Variants in KCNQ1 observed in about 807,000 individuals in gnomAD.
The protein encoded by KCNQ1 is potassium voltage-gated channel subfamily KQT member 1.
KCNQ1 carries 49 observed loss-of-function variants against 72.4 expected under a neutral mutation model. That is an observed-to-expected ratio of 0.68 (90% CI 0.54 to 0.86). The LOEUF is 0.86. Among genes scored for constraint, KCNQ1 ranks in the 40% least tolerant of loss-of-function variants. The pLI is 0.00. For synonymous variants in KCNQ1, 450 were observed against 412.6 expected (o/e 1.09, Z -1.10); for missense variants, 790 against 945.1 (o/e 0.84, Z 2.15).
chr11:2,772,956 A>G lies in KCNQ1; in HGVS notation c.1591-3004A>G, dbSNP rs576402054. On this transcript the variant is annotated intron_variant, in intron 12 of 15. Coordinates refer to ENST00000155840, the MANE Select transcript of KCNQ1 (RefSeq NM_000218.3). This position sits in a 1 kb window ranked among gnomAD's most constrained non-coding sequence, Gnocchi z 6.6. ...GAGGCTCACCACCATGACTCATGCC[A>G]TGTTCAATGTGTTCTGAAGAGAGGC... is the stretch of plus-strand genomic sequence containing the variant. Among the ~76,000 whole-genome samples the G allele has an allele frequency of 6.6e-6, 1 of 152,248 alleles. No homozygotes were observed. Among genetic ancestry groups the G allele is most frequent in the East Asian group, 1.9e-4 (1 of 5,176 alleles).
In KCNQ1 at chr11:2,671,483, A is replaced by G; in HGVS notation, c.1514+9402A>G. 2.5e-6 allele frequency: 1 copy of G among 398,644 alleles called. No individual in the cohort carries two copies. Among genetic ancestry groups the G allele is most frequent in the East Asian group, 3.6e-5 (1 of 28,066 alleles). The allele number at this position is 398,644 out of a possible 1,614,324, so 24.7% of individuals were successfully genotyped here. A position where few individuals can be genotyped will look rare whatever the true frequency, so the allele number is the denominator to read the frequency against. ...AGCAGGGGATATACACAAAGATCTG[A>G]GAAAGGGATTATTTTTAGGGCCAAT... On this transcript the variant is annotated intron_variant, in intron 11 of 15. Coordinates refer to ENST00000155840, the MANE Select transcript of KCNQ1 (RefSeq NM_000218.3). This position sits in a 1 kb window ranked among gnomAD's most constrained non-coding sequence, Gnocchi z 4.7.
Position 2,739,191 on chromosome 11 carries a change from G to A in KCNQ1, c.1515-29653G>A, listed in dbSNP as rs577942971. On this transcript the variant is annotated intron_variant, in intron 11 of 15. Transcript: ENST00000155840. The stretch of plus-strand genomic sequence containing the variant: ...CAGCATGTCTGGGAGGGCCAGGGTC[G>A]CAGCAGGGCCCCCACCCATCCTGGC... 5.3e-5 allele frequency among the ~76,000 whole-genome samples: 8 copies of A among 152,292 alleles called. No individual in the cohort carries two copies. In the South Asian group the frequency reaches 1.2e-3, roughly 24 times the overall value.
At chr11:2,729,422 T>A (rs966131471) in intron 11 of KCNQ1, among the ~76,000 whole-genome samples, 1 of 152,224 alleles carries the variant, frequency 6.6e-6, no homozygotes, top group Non-Finnish European at 1.5e-5. Flanking sequence ...CCACAAATAC[T>A]GAATGCCTGC....
In KCNQ1 at chr11:2,463,113, G is replaced by A. The variant is rs978389816; in HGVS notation, c.386+17629G>A. Among the ~76,000 whole-genome samples the A allele has an allele frequency of 7.9e-5, 12 of 152,232 alleles. No individual in the cohort carries two copies. The highest frequency in any genetic ancestry group is 2.2e-4 in the African/African-American group (9 of 41,534). On this transcript the variant is annotated intron_variant, in intron 1 of 15. Transcript: ENST00000155840. This position sits in a 1 kb window ranked among gnomAD's most constrained non-coding sequence, Gnocchi z 7.0. ...GTGTGGGGAGTGGGAAGTGGGGGAC[G>A]GGGTGGATTCCAGGATTCCGGGTTG...
At position 2,593,363 on chromosome 11, in the gene KCNQ1, C is replaced by T. The variant is rs1257349835; in HGVS notation, c.1393+4509C>T. Among the ~76,000 whole-genome samples the T allele has an allele frequency of 1.3e-5, 2 of 152,058 alleles. No homozygotes were observed. The highest frequency in any genetic ancestry group is 2.9e-5 in the Non-Finnish European group (2 of 67,986). ...AAGGTCGTGGTCTGTGACGTAGGAT[C>T]GGGGAGGCCACCTCAGAGGCCTTTT... On this transcript the variant is annotated intron_variant, in intron 10 of 15. Transcript: ENST00000155840. The surrounding 1 kb of genome is among the most constrained non-coding windows in gnomAD (Gnocchi z 6.9).
At position 2,711,241 on chromosome 11, in the gene KCNQ1, C is replaced by T. The variant is rs571246043; in HGVS notation, c.1514+49160C>T. Among the ~76,000 whole-genome samples the T allele has an allele frequency of 2.0e-5, 3 of 152,200 alleles. No individual in the cohort carries two copies. The East Asian group carries it at 5.8e-4, about 29-fold the overall frequency. On this transcript the variant is annotated intron_variant, in intron 11 of 15. Transcript: ENST00000155840. This position sits in a 1 kb window ranked among gnomAD's most constrained non-coding sequence, Gnocchi z 5.4. ...ACAGTGACTGGCAGCCATACTTCCT[C>T]CCCATGTACTGGGTTCTGCCCATCC...
intron 10 of KCNQ1, chr11:2,643,534 A>G (rs1186098397): frequency 2.0e-5 from 8 of 398,228 alleles, no homozygotes; most frequent in South Asian, 1.3e-4. Context: ...TCTTTCAACT[A>G]TGTGTCTTTA....
chr11:2,686,998 C>A (rs1384891833), intron 11 of KCNQ1: 4 of 398,516 alleles, frequency 1.0e-5, no homozygotes, highest in African/African-American at 4.1e-5. Context: ...CCCTGACTTG[C>A]TAAGATGGGA....
rs1851190893 is a variant in KCNQ1, at chr11:2,720,891, A to C, written c.1515-47953A>C. On this transcript the variant is annotated intron_variant, in intron 11 of 15. Coordinates refer to ENST00000155840, the MANE Select transcript of KCNQ1 (RefSeq NM_000218.3). The surrounding 1 kb of genome is among the most constrained non-coding windows in gnomAD (Gnocchi z 5.1). ...GGGGCCTGGCCTGGACCTCGAGGCC[A>C]CTGGGGACTTGGCTACCTGAGGGAG... is the stretch of plus-strand genomic sequence containing the variant. Among the ~76,000 whole-genome samples, 1 of 151,998 alleles carries C rather than the reference A, an allele frequency of 6.6e-6. No homozygotes were observed. The highest frequency in any genetic ancestry group is 1.5e-5 in the Non-Finnish European group (1 of 68,002).
In KCNQ1 at chr11:2,612,424, A is replaced by G. The variant is rs76600584; in HGVS notation, c.1393+23570A>G. The G allele has an allele frequency of 0.018, 7,308 of 398,308 alleles. 293 individuals are homozygous for G. Among genetic ancestry groups the G allele is most frequent in the East Asian group, 0.11 (3,095 of 28,052 alleles). 24.7% of individuals were successfully genotyped at this position (398,308 alleles called of 1,614,324 possible). A position where few individuals can be genotyped will look rare whatever the true frequency, so the allele number is the denominator to read the frequency against. On this transcript the variant is annotated intron_variant, in intron 10 of 15. Coordinates refer to ENST00000155840, the MANE Select transcript of KCNQ1 (RefSeq NM_000218.3). The surrounding 1 kb of genome is among the most constrained non-coding windows in gnomAD (Gnocchi z 5.5). ...TATGGTATCCAATGGGTATCTCTTCATTTTTCTTCATTATTTTTCTTTCTA... is the reference window on the plus strand; with the variant it reads ...TATGGTATCCAATGGGTATCTCTTCGTTTTTCTTCATTATTTTTCTTTCTA...
intron 2 of KCNQ1, among the ~76,000 whole-genome samples, chr11:2,533,487 T>G (rs981185080): frequency 6.6e-6 from 1 of 152,228 alleles, no homozygotes; most frequent in African/African-American, 2.4e-5. Flanking sequence ...TGTGCACGTG[T>G]GTACGTACGT....
intron 10 of KCNQ1, chr11:2,609,569 GTTT>G (rs1848942689): frequency 2.5e-6 from 1 of 398,178 alleles, no homozygotes; most frequent in East Asian, 3.6e-5. Context: ...CATATCTTCT[GTTT>G]CCTTATTGAT....
At chr11:2,716,920 A>AG (rs1479714871) in intron 11 of KCNQ1, among the ~76,000 whole-genome samples, 2 of 152,254 alleles carry the variant, frequency 1.3e-5, no homozygotes, top group Non-Finnish European at 2.9e-5. Flanking sequence ...CCAGGCCTGC[A>AG]GTAGGAGCTC....
In KCNQ1 at chr11:2,613,001, T is replaced by G; in HGVS notation, c.1393+24147T>G. 2.5e-6 allele frequency: 1 copy of G among 398,644 alleles called. No individual in the cohort carries two copies. 24.7% of individuals were successfully genotyped at this position (398,644 alleles called of 1,614,324 possible). ...ACTGGTGTCTTTGCTCAGTTTTGTT[T>G]GTTTTAATTCTTATGTTTGTTTTGT... is the stretch of plus-strand genomic sequence containing the variant. On this transcript the variant is annotated intron_variant, in intron 10 of 15. Coordinates refer to ENST00000155840, the MANE Select transcript of KCNQ1 (RefSeq NM_000218.3). This position sits in a 1 kb window ranked among gnomAD's most constrained non-coding sequence, Gnocchi z 4.8.
At position 2,676,789 on chromosome 11, in the gene KCNQ1, G is replaced by C. The variant is rs1160643945; in HGVS notation, c.1514+14708G>C. 1 of 398,626 alleles carries C rather than the reference G, an allele frequency of 2.5e-6. No homozygotes were observed. The highest frequency in any genetic ancestry group is 3.6e-5 in the East Asian group (1 of 28,074). The allele number at this position is 398,626 out of a possible 1,614,324, so 24.7% of individuals were successfully genotyped here. ...CCCTAGGACATTTGAAGAGAATGGA[G>C]TGATGGCCAGTGTATTGTGCTGGGA... On this transcript the variant is annotated intron_variant, in intron 11 of 15. Coordinates refer to ENST00000155840, the MANE Select transcript of KCNQ1 (RefSeq NM_000218.3). This position sits in a 1 kb window ranked among gnomAD's most constrained non-coding sequence, Gnocchi z 4.2.
intron 11 of KCNQ1, chr11:2,666,475 C>T (rs1850069922): frequency 5.0e-6 from 2 of 398,664 alleles, no homozygotes; most frequent in Non-Finnish European, 8.8e-6. Context: ...AATCTCACGC[C>T]AAGACATTCG....
In KCNQ1 at chr11:2,769,685, G is replaced by A. The variant is rs163157; in HGVS notation, c.1590+766G>A. Among the ~76,000 whole-genome samples the A allele has an allele frequency of 0.98, 148,426 of 152,170 alleles. 72,479 individuals carry two copies. The highest frequency in any genetic ancestry group is 1 in the Non-Finnish European group (67,845 of 67,996). On this transcript the variant is annotated intron_variant, in intron 12 of 15. Transcript: ENST00000155840. This position sits in a 1 kb window ranked among gnomAD's most constrained non-coding sequence, Gnocchi z 4.6. ...GTGTGGGAACCCCGTATCCTCTGTG[G>A]TGGGTGATCCAGAAGGCAAAAATCA...
rs2134059249 is a variant in KCNQ1 at position 2,824,598 on chromosome 11, G to C, written c.1795-23169G>C. Among the ~76,000 whole-genome samples, 1 of 152,280 alleles carries C rather than the reference G, an allele frequency of 6.6e-6. No individual in the cohort carries two copies. Among genetic ancestry groups the C allele is most frequent in the South Asian group, 2.1e-4 (1 of 4,822 alleles). Reference sequence around the variant, plus strand: ...ACATGGAGGTGGTACCTGAAGAAGGGGTGTGGATGAGGTTGCCTGGCAAGA... The same window carrying C: ...ACATGGAGGTGGTACCTGAAGAAGGCGTGTGGATGAGGTTGCCTGGCAAGA... On this transcript the variant is annotated intron_variant, in intron 15 of 15. Coordinates refer to ENST00000155840, the MANE Select transcript of KCNQ1 (RefSeq NM_000218.3). This position sits in a 1 kb window ranked among gnomAD's most constrained non-coding sequence, Gnocchi z 5.9.
chr11:2,549,636 TG>T lies in KCNQ1; in HGVS notation c.478-20985del, dbSNP rs963756775. On this transcript the variant is annotated intron_variant, in intron 2 of 15. Transcript: ENST00000155840. This position sits in a 1 kb window ranked among gnomAD's most constrained non-coding sequence, Gnocchi z 6.2. ...CTCTGCGAGGCCCGGGGTAGGGGCG[TG>T]GGGGGGCCTCCTCCTCCCAAGCACC... Among the ~76,000 whole-genome samples, 29 of 95,484 alleles carry T rather than the reference TG, an allele frequency of 3.0e-4. No individual in the cohort carries two copies. The highest frequency in any genetic ancestry group is 2.6e-4 in the Non-Finnish European group (13 of 49,448). 62.6% of individuals were successfully genotyped at this position (95,484 alleles called of 152,430 possible). A position where few individuals can be genotyped will look rare whatever the true frequency, so the allele number is the denominator to read the frequency against.
Sources: gnomAD v4.1 joint callset for allele counts (sites outside exome capture counted in the v4.1 genomes callset) on GRCh38, gnomAD v4.1.1 for gene constraint, Gnocchi (gnomAD v3.1) non-coding constraint, MANE v1.5 for transcripts, NCBI Gene and HGNC (gene_info 2026-07-23, HGNC 2026-07-21) for gene names.